Variants in PPM1A observed in about 807,000 individuals in gnomAD.
The protein encoded by PPM1A is protein phosphatase, Mg2+/Mn2+ dependent 1A.
Under a neutral mutation model 35.0 loss-of-function variants are expected in PPM1A, and 7 were observed. The observed-to-expected ratio is 0.20, with a 90% CI of 0.11 to 0.38. The LOEUF is 0.38. Among genes scored for constraint, PPM1A ranks in the 10% least tolerant of loss-of-function variants. PPM1A has a pLI of 1.00. For missense variants in PPM1A, 239 were observed against 467.8 expected, an observed-to-expected ratio of 0.51 and a Z score of 4.51; for synonymous variants, 153 against 167.3, an observed-to-expected ratio of 0.91 and a Z score of 0.66.
At chr14:60,268,636 A>C (rs1884688692) in intron 1 of PPM1A, among the ~76,000 whole-genome samples, 1 of 150,392 alleles carries the variant, frequency 6.6e-6, no homozygotes, top group South Asian at 2.1e-4. Context: ...GATTTTCTTT[A>C]GTATACTGGT....
At position 60,283,634 on chromosome 14, in the gene PPM1A, GT is replaced by G; in HGVS notation, c.834+102del. The G allele has an allele frequency of 3.1e-6, 4 of 1,278,774 alleles. No homozygotes were observed. Among genetic ancestry groups the G allele is most frequent in the Non-Finnish European group, 4.3e-6 (4 of 938,496 alleles). The allele number at this position is 1,278,774 out of a possible 1,614,324, so 79.2% of individuals were successfully genotyped here. On this transcript the variant is annotated intron_variant, in intron 2 of 5. Transcript: ENST00000395076. The surrounding 1 kb of genome is among the most constrained non-coding windows in gnomAD (Gnocchi z 6.3). The stretch of plus-strand genomic sequence containing the variant: ...CTTAGAATCTGTAATTCTGAAACCA[GT>G]TTTTGGCACAACTGTAGGATACTGT...
rs374670662 is a variant in PPM1A at position 60,258,584 on chromosome 14, G to A, written c.-21+8907G>A. Among the ~76,000 whole-genome samples the A allele has an allele frequency of 5.3e-5, 8 of 152,178 alleles. No homozygotes were observed. In the East Asian group the frequency reaches 1.2e-3, roughly 22 times the overall value. Reference sequence around the variant, plus strand: ...CTGAAAATCAAGTTTTGATTAAGCCGTAGATTTCTTTTAGGGTCCAATATT... The same window carrying A: ...CTGAAAATCAAGTTTTGATTAAGCCATAGATTTCTTTTAGGGTCCAATATT... On this transcript the variant is annotated intron_variant, in intron 1 of 5. Coordinates refer to ENST00000395076, the MANE Select transcript of PPM1A (RefSeq NM_021003.5).
At chr14:60,287,756 A>G (rs1485394651) in intron 3 of PPM1A, 1 of 982,820 alleles carries the variant, frequency 1.0e-6, no homozygotes, top group African/African-American at 1.7e-5. Context: ...GATTCAGCTC[A>G]TAATTTATAC....
At chr14:60,264,779 T>C (rs531418266) in intron 1 of PPM1A, among the ~76,000 whole-genome samples, 3 of 152,350 alleles carry the variant, frequency 2.0e-5, no homozygotes, top group Admixed American at 6.5e-5. Flanking sequence ...AGCTAGAGTT[T>C]ATGTGGCCTC....
intron 1 of PPM1A, among the ~76,000 whole-genome samples, chr14:60,259,909 A>T (rs1424073210): frequency 1.3e-5 from 2 of 152,054 alleles, no homozygotes; most frequent in Non-Finnish European, 2.9e-5. Context: ...ATTTAAGAAA[A>T]CGACTTATGG....
At chr14:60,261,783 A>G (rs1883773798) in intron 1 of PPM1A, among the ~76,000 whole-genome samples, 1 of 152,230 alleles carries the variant, frequency 6.6e-6, no homozygotes, top group African/African-American at 2.4e-5. Context: ...TTTATAGATC[A>G]AAGCCTTTCT....
intron 1 of PPM1A, among the ~76,000 whole-genome samples, chr14:60,275,875 TAC>T (rs1885697861): frequency 2.0e-5 from 3 of 147,908 alleles, no homozygotes; most frequent in Admixed American, 1.3e-4. Context: ...ACAGATTTGC[TAC>T]AGTTTTGTTA....
At position 60,249,836 on chromosome 14, in the gene PPM1A, C is replaced by A. The variant is rs1445083698; in HGVS notation, c.-21+159C>A. Among the ~76,000 whole-genome samples, 2 of 151,320 alleles carry A rather than the reference C, an allele frequency of 1.3e-5. No individual in the cohort carries two copies. The highest frequency in any genetic ancestry group is 3.0e-5 in the Non-Finnish European group (2 of 67,714). On this transcript the variant is annotated intron_variant, in intron 1 of 5. Coordinates refer to ENST00000395076, the MANE Select transcript of PPM1A (RefSeq NM_021003.5). The surrounding 1 kb of genome is among the most constrained non-coding windows in gnomAD (Gnocchi z 4.5). Reference sequence around the variant, plus strand: ...TCCACCCCCTGGCCGGCCTCCTCCCCCGAGCCGGGCGGCGGACGGCGAGGG... The same window carrying A: ...TCCACCCCCTGGCCGGCCTCCTCCCACGAGCCGGGCGGCGGACGGCGAGGG...
chr14:60,278,500 C>T (rs978073166), intron 1 of PPM1A, among the ~76,000 whole-genome samples: 1 of 152,198 alleles, frequency 6.6e-6, no homozygotes, highest in Non-Finnish European at 1.5e-5. Flanking sequence ...CCAGGAAACA[C>T]CACCTGCAGA....
At chr14:60,286,600 AC>A (rs1887042103) in intron 3 of PPM1A, 1 of 984,890 alleles carries the variant, frequency 1.0e-6, no homozygotes, top group Admixed American at 6.2e-5. Flanking sequence ...CACGTTAAAG[AC>A]CTCTAATCGC....
chr14:60,295,769 A>C lies in PPM1A; in HGVS notation c.*3287A>C, dbSNP rs1888013933. ...GGATCACTCATCAAAAAATATATAT[A>C]TATATCTATTGCCCACCTGCTATCT... On this transcript the variant is annotated 3_prime_UTR_variant, in exon 6 of 6. Coordinates refer to ENST00000395076, the MANE Select transcript of PPM1A (RefSeq NM_021003.5). 1 of 151,564 alleles carries C rather than the reference A, an allele frequency of 6.6e-6. No individual in the cohort carries two copies. Among genetic ancestry groups the C allele is most frequent in the Admixed American group, 6.6e-5 (1 of 15,168 alleles). The allele number at this position is 151,564 out of a possible 1,614,324, so 9.4% of individuals were successfully genotyped here. A position where few individuals can be genotyped will look rare whatever the true frequency, so the allele number is the denominator to read the frequency against.
chr14:60,262,557 A>G (rs1265421757), intron 1 of PPM1A, among the ~76,000 whole-genome samples: 1 of 152,156 alleles, frequency 6.6e-6, no homozygotes, highest in Non-Finnish European at 1.5e-5. Flanking sequence ...GTGGTGGCAC[A>G]TCTATACTCC....
rs1555339227 is a variant in PPM1A at position 60,255,170 on chromosome 14, T to TTG, written c.-21+5494_-21+5495insGT. Reference sequence around the variant, plus strand: ...TATTTCTATCATATGTTTTTTTTTTTTTTGTTTTGTTTTGTTTTTGAGACA... The same window carrying TTG: ...TATTTCTATCATATGTTTTTTTTTTTTGTTTGTTTTGTTTTGTTTTTGAGACA... On this transcript the variant is annotated intron_variant, in intron 1 of 5. Transcript: ENST00000395076. Among the ~76,000 whole-genome samples the TTG allele has an allele frequency of 9.6e-3, 1,051 of 109,608 alleles. 37 individuals are homozygous for TTG. The highest frequency in any genetic ancestry group is 0.064 in the African/African-American group (998 of 15,506). The allele number at this position is 109,608 out of a possible 152,430, so 71.9% of individuals were successfully genotyped here. A position where few individuals can be genotyped will look rare whatever the true frequency, so the allele number is the denominator to read the frequency against.
intron 1 of PPM1A, among the ~76,000 whole-genome samples, chr14:60,258,016 G>A (rs1336217100): frequency 6.6e-6 from 1 of 152,070 alleles, no homozygotes; most frequent in African/African-American, 2.4e-5. Flanking sequence ...CTTAGAAGTG[G>A]CAGTTTTTGT....
chr14:60,271,804 C>G (rs530010953), intron 1 of PPM1A, among the ~76,000 whole-genome samples: 1 of 151,608 alleles, frequency 6.6e-6, no homozygotes, highest in South Asian at 2.1e-4. Context: ...AATGGGAATT[C>G]CATCCACATG....
chr14:60,266,535 A>G (rs1284884463), intron 1 of PPM1A, among the ~76,000 whole-genome samples: 1 of 152,144 alleles, frequency 6.6e-6, no homozygotes, highest in Non-Finnish European at 1.5e-5. Context: ...TATTTATTTT[A>G]AGGTGTGATG....
intron 1 of PPM1A, among the ~76,000 whole-genome samples, chr14:60,257,969 C>G (rs1883327217): frequency 6.6e-6 from 1 of 152,186 alleles, no homozygotes; most frequent in African/African-American, 2.4e-5. Flanking sequence ...TCCTTTCTGA[C>G]AGCCTGTAAG....
intron 3 of PPM1A, chr14:60,288,272 A>T (rs1474961925): frequency 1.0e-6 from 1 of 963,744 alleles, no homozygotes; most frequent in East Asian, 1.1e-4. Context: ...TGTAAGATAC[A>T]TCAAATATAG....
intron 1 of PPM1A, among the ~76,000 whole-genome samples, chr14:60,278,448 G>A (rs1886016591): frequency 6.6e-6 from 1 of 150,722 alleles, no homozygotes; most frequent in Admixed American, 6.6e-5. Flanking sequence ...AAAAACTAAA[G>A]CAGAGATTAT....
Sources: allele counts gnomAD v4.1 joint callset (sites outside exome capture counted in the v4.1 genomes callset), GRCh38; gene constraint gnomAD v4.1.1; non-coding constraint Gnocchi (gnomAD v3.1); transcripts MANE v1.5; gene names NCBI Gene and HGNC (gene_info 2026-07-23, HGNC 2026-07-21).